The following RBFOX1 variants were observed in gnomAD, a reference collection of about 807,000 sequenced individuals.
RBFOX1 encodes the protein RNA binding protein fox-1 homolog 1.
RBFOX1 carries 8 observed loss-of-function variants against 57.7 expected under a neutral mutation model. The observed-to-expected ratio is 0.14, with a 90% confidence interval of 0.08 to 0.25. RBFOX1 has a LOEUF of 0.25. Ranked by LOEUF, RBFOX1 falls within the 10% of genes least tolerant of loss-of-function variation. The pLI is 1.00. For missense variants in RBFOX1, 611 were observed against 548.5 expected, an observed-to-expected ratio of 1.11 and a Z score of -1.14; for synonymous variants, 326 against 222.4, an observed-to-expected ratio of 1.47 and a Z score of -4.15.
intron 3 of RBFOX1, among the ~76,000 whole-genome samples, chr16:6,722,752 A>G (rs2066279832): frequency 6.6e-6 from 1 of 152,206 alleles, no homozygotes; most frequent in Non-Finnish European, 1.5e-5. Context: ...CCGTTCATCA[A>G]TACTACATGA....
At chr16:5,466,228 G>A (rs1400109606) in intron 1 of RBFOX1, among the ~76,000 whole-genome samples, 1 of 152,230 alleles carries the variant, frequency 6.6e-6, no homozygotes, top group Non-Finnish European at 1.5e-5. Flanking sequence ...CTCGGGGCAG[G>A]CTGGCCCTCA....
chr16:5,858,572 G>A (rs1246362858), intron 3 of RBFOX1, among the ~76,000 whole-genome samples: 5 of 152,172 alleles, frequency 3.3e-5, no homozygotes, highest in Admixed American at 6.5e-5. Flanking sequence ...GGCAGTTGCC[G>A]AGCACCATAA....
intron 2 of RBFOX1, among the ~76,000 whole-genome samples, chr16:6,608,098 C>A (rs1204685904): frequency 1.3e-5 from 2 of 152,160 alleles, no homozygotes; most frequent in African/African-American, 2.4e-5. Flanking sequence ...TGTCTCATAG[C>A]ACCTGAAACA....
intron 1 of RBFOX1, among the ~76,000 whole-genome samples, chr16:6,065,390 G>A (rs9934637): frequency 0.064 from 9,707 of 152,036 alleles, 888 homozygotes; most frequent in African/African-American, 0.2. Flanking sequence ...CATACAGCTG[G>A]TGGTCACAGT....
Position 7,132,921 on chromosome 16 carries a change from A to G in RBFOX1, c.27+80823A>G, listed in dbSNP as rs74009054. ...GTGCATAAAAATTGTGCCCATTTTA[A>G]CAGGATACATTTTTTCACTTGTGAT... On this transcript the variant is annotated intron_variant, in intron 4 of 15. Transcript: ENST00000550418. Among the ~76,000 whole-genome samples, 1,176 of 152,336 alleles carry G rather than the reference A, an allele frequency of 7.7e-3. 18 individuals are homozygous for G. The highest frequency in any genetic ancestry group is 0.026 in the African/African-American group (1,097 of 41,564).
At chr16:7,193,722 A>G (rs994262893) in intron 4 of RBFOX1, among the ~76,000 whole-genome samples, 1 of 152,248 alleles carries the variant, frequency 6.6e-6, no homozygotes, top group African/African-American at 2.4e-5. Context: ...TCAGAAATAC[A>G]GAGCCCATGC....
chr16:6,774,883 T>A (rs2079047567), intron 3 of RBFOX1, among the ~76,000 whole-genome samples: 1 of 151,998 alleles, frequency 6.6e-6, no homozygotes, highest in Non-Finnish European at 1.5e-5. Context: ...TTAAAATAAT[T>A]TTAGTTAATA....
At chr16:7,249,185 C>G (rs755218383) in intron 4 of RBFOX1, among the ~76,000 whole-genome samples, 8 of 152,204 alleles carry the variant, frequency 5.3e-5, no homozygotes, top group East Asian at 3.9e-4. Flanking sequence ...CAACCTTCAG[C>G]TAAGTTGACT....
intron 4 of RBFOX1, among the ~76,000 whole-genome samples, chr16:7,157,456 G>C (rs547785417): frequency 3.9e-5 from 6 of 152,260 alleles, no homozygotes; most frequent in Admixed American, 2.0e-4. Context: ...TATGGCAGCA[G>C]ATAGGTGCAA....
intron 4 of RBFOX1, among the ~76,000 whole-genome samples, chr16:7,380,509 C>G (rs891979363): frequency 6.6e-6 from 1 of 152,192 alleles, no homozygotes; most frequent in Non-Finnish European, 1.5e-5. Flanking sequence ...GTCTGGTAAT[C>G]ATCTTTCAGT....
chr16:5,704,280 A>C (rs2051156719), intron 3 of RBFOX1, among the ~76,000 whole-genome samples: 1 of 151,954 alleles, frequency 6.6e-6, no homozygotes, highest in Non-Finnish European at 1.5e-5. Flanking sequence ...CCCCAGCCAA[A>C]CTCCTCTGGA....
At chr16:6,553,931 A>T (rs2097044364) in intron 2 of RBFOX1, among the ~76,000 whole-genome samples, 1 of 152,118 alleles carries the variant, frequency 6.6e-6, no homozygotes, top group Non-Finnish European at 1.5e-5. Flanking sequence ...CATTCCCAAC[A>T]ATTAAGTGTG....
chr16:6,819,332 G>C (rs2154275046), intron 3 of RBFOX1, among the ~76,000 whole-genome samples: 1 of 152,280 alleles, frequency 6.6e-6, no homozygotes, highest in South Asian at 2.1e-4. Context: ...TTGCTTAGAT[G>C]AATAAATAAT....
chr16:5,622,173 C>G (rs534830174), intron 3 of RBFOX1, among the ~76,000 whole-genome samples: 85 of 152,334 alleles, frequency 5.6e-4, no homozygotes, highest in African/African-American at 2.0e-3. Context: ...GATCCACAAT[C>G]TACAGTGTAC....
At chr16:7,206,041 A>C (rs1291755728) in intron 4 of RBFOX1, among the ~76,000 whole-genome samples, 1 of 152,202 alleles carries the variant, frequency 6.6e-6, no homozygotes, top group Admixed American at 6.5e-5. Context: ...GGCGAGTAGG[A>C]TGTTTAGTTT....
intron 4 of RBFOX1, among the ~76,000 whole-genome samples, chr16:7,349,437 G>C (rs1830469345): frequency 6.6e-6 from 1 of 152,216 alleles, no homozygotes; most frequent in Non-Finnish European, 1.5e-5. Flanking sequence ...TTGTAGATTG[G>C]AGAAAGAAGT....
chr16:7,640,012 T>C (rs1196877101), intron 11 of RBFOX1, among the ~76,000 whole-genome samples: 1 of 152,202 alleles, frequency 6.6e-6, no homozygotes, highest in African/African-American at 2.4e-5. Context: ...TCTGCTCAAC[T>C]TTTCCCATGT....
At chr16:5,362,420 C>T (rs140799460) in intron 1 of RBFOX1, among the ~76,000 whole-genome samples, 21 of 152,040 alleles carry the variant, frequency 1.4e-4, no homozygotes, top group East Asian at 7.7e-4. Context: ...TGGAGTGCAA[C>T]GGCGCGATCT....
chr16:7,299,425 A>G (rs954692165), intron 4 of RBFOX1, among the ~76,000 whole-genome samples: 2 of 152,246 alleles, frequency 1.3e-5, no homozygotes, highest in Non-Finnish European at 1.5e-5. Context: ...GACAACCCAC[A>G]CCCAAACTAG....
Sources: allele counts gnomAD v4.1 joint callset (sites outside exome capture counted in the v4.1 genomes callset), GRCh38; gene constraint gnomAD v4.1.1; transcripts MANE v1.5; gene names NCBI Gene and HGNC (gene_info 2026-07-23, HGNC 2026-07-21).